NOTCH2: variants seen among roughly 807,000 people sequenced by gnomAD.
NOTCH2 encodes the protein neurogenic locus notch homolog protein 2.
Under a neutral mutation model 235.8 loss-of-function variants are expected in NOTCH2, and 29 were observed. The observed-to-expected ratio is 0.12, with a 90% CI of 0.09 to 0.17. The LOEUF (loss-of-function observed/expected upper bound fraction) is 0.17. NOTCH2 is among the 10% of genes least tolerant of loss of function. NOTCH2 has a pLI of 1.00. For synonymous variants in NOTCH2, 1,086 were observed against 1,141.5 expected, an observed-to-expected ratio of 0.95 and a Z score of 0.98; for missense variants, 2,285 against 3,150.2, an observed-to-expected ratio of 0.73 and a Z score of 6.57.
At chr1:119,959,241 G>C in intron 12 of NOTCH2, 151 bp downstream of exon 12, 2 of 656,290 alleles carry the variant, frequency 3.0e-6, no homozygotes, top group Non-Finnish European at 5.5e-6. Flanking sequence ...TCTGTGAACA[G>C]AAAACTGATC....
intron 1 of NOTCH2, among the ~76,000 whole-genome samples, chr1:120,037,979 T>A (rs1210334582): frequency 1.3e-5 from 2 of 152,182 alleles, no homozygotes; most frequent in African/African-American, 2.4e-5. Context: ...AGTTAGCTGA[T>A]AAATCTAGAA....
At chr1:120,039,469 C>T (rs1158976712) in intron 1 of NOTCH2, among the ~76,000 whole-genome samples, 3 of 146,868 alleles carry the variant, frequency 2.0e-5, no homozygotes, top group Non-Finnish European at 3.0e-5. Context: ...AGTGCAGTGG[C>T]GCAATCTCAG....
intron 1 of NOTCH2, among the ~76,000 whole-genome samples, chr1:120,062,820 G>A (rs1334728325): frequency 1.3e-5 from 2 of 151,196 alleles, no homozygotes; most frequent in Non-Finnish European, 2.9e-5. Flanking sequence ...GATCCTACCA[G>A]TGAATTACAT....
intron 22 of NOTCH2, among the ~76,000 whole-genome samples, chr1:119,932,295 G>A (rs1019022389): frequency 3.3e-5 from 5 of 152,080 alleles, no homozygotes; most frequent in African/African-American, 1.2e-4. Flanking sequence ...AAAAAATATT[G>A]AGGAAGTTCA....
intron 2 of NOTCH2, among the ~76,000 whole-genome samples, chr1:120,014,923 C>T (rs1322660821): frequency 2.1e-5 from 3 of 140,558 alleles, no homozygotes; most frequent in Non-Finnish European, 3.1e-5. Flanking sequence ...GTTTTCTCCA[C>T]CGAATGTTCT....
chr1:119,966,360 G>C lies in NOTCH2; in HGVS notation c.1567+16C>G. ...TGTGCTTTAAGAGAAAACAGGGCCA[G>C]GTCGTGGGCACTTACCAGGAGGACA... On this transcript the variant is annotated intron_variant, in intron 9 of 33. Transcript: ENST00000256646. 1 of 1,571,698 alleles carries C rather than the reference G, an allele frequency of 6.4e-7. No homozygotes were observed. Among genetic ancestry groups the C allele is most frequent in the Non-Finnish European group, 8.8e-7 (1 of 1,141,254 alleles).
At chr1:119,968,310 G>C in intron 6 of NOTCH2, 78 bp from the exon 7 acceptor site, 1 of 1,447,448 alleles carries the variant, frequency 6.9e-7, no homozygotes, top group East Asian at 2.3e-5. Flanking sequence ...TCACCCAGGA[G>C]GGAAAACCTC....
intron 5 of NOTCH2, among the ~76,000 whole-genome samples, chr1:119,978,444 G>C (rs144048879): frequency 5.3e-5 from 8 of 152,240 alleles, no homozygotes; most frequent in Middle Eastern, 3.4e-3. Flanking sequence ...GAGGAGAATG[G>C]ACTGAACTCC....
At chr1:119,983,179 T>C (rs1461419249) in intron 5 of NOTCH2, among the ~76,000 whole-genome samples, 4 of 152,118 alleles carry the variant, frequency 2.6e-5, no homozygotes, top group Non-Finnish European at 4.4e-5. Context: ...TAAAAAGATA[T>C]CTTTTTTTCC....
In NOTCH2 at chr1:119,966,399, C is replaced by T. The variant is rs781906256; in HGVS notation, c.1544G>A (p.Arg515His). 5.6e-6 allele frequency: 9 copies of T among 1,613,666 alleles called. No homozygotes were observed. The Admixed American group carries it at 6.7e-5, about 12-fold the overall frequency. Reference sequence around the variant, plus strand: ...ACCAGGAGGACACAGGCACTGGAAACGATTGACTTTATCCACACACTGCCC... The same window carrying T: ...ACCAGGAGGACACAGGCACTGGAAATGATTGACTTTATCCACACACTGCCC... ...NNGQCVDKVN[R>H]FQCLCPPGFT... Residue 515 changes from arginine (R) to histidine (H), a missense_variant, in exon 9 of 34, where the codon CGT (arginine) becomes CAT (histidine). Arg to His is a conservative substitution (Grantham distance 29). Transcript: ENST00000256646.
At chr1:120,026,094 G>A (rs1553209865) in intron 2 of NOTCH2, among the ~76,000 whole-genome samples, 2 of 134,718 alleles carry the variant, frequency 1.5e-5, no homozygotes, top group South Asian at 2.8e-4. Context: ...CAGACTGATA[G>A]GGTACTTAGG....
intron 13 of NOTCH2, among the ~76,000 whole-genome samples, 178 bp downstream of exon 13, chr1:119,954,862 G>C (rs1553198209): frequency 1.3e-5 from 2 of 152,176 alleles, no homozygotes; most frequent in Non-Finnish European, 2.9e-5. Flanking sequence ...TTATGGAAGG[G>C]AGGGGCCAGC....
At chr1:120,007,441 A>T (rs1182509206) in intron 2 of NOTCH2, among the ~76,000 whole-genome samples, 2 of 127,688 alleles carry the variant, frequency 1.6e-5, no homozygotes, top group Non-Finnish European at 3.0e-5. Context: ...CTGTAATGCC[A>T]GCACTTTGGG....
chr1:119,936,316 T>A lies in NOTCH2; in HGVS notation c.3523-712A>T, dbSNP rs1014854342. The stretch of plus-strand genomic sequence containing the variant: ...AGAGAAGGAGTCTAGGTGATGTCAC[T>A]CAACAGCCAGTGGCAGGAATCTCTG... On this transcript the variant is annotated intron_variant, in intron 21 of 33. Coordinates refer to ENST00000256646, the MANE Select transcript of NOTCH2 (RefSeq NM_024408.4). Among the ~76,000 whole-genome samples, 5 of 152,212 alleles carry A rather than the reference T, an allele frequency of 3.3e-5. No homozygotes were observed. The East Asian group carries it at 9.7e-4, about 29-fold the overall frequency.
intron 33 of NOTCH2, among the ~76,000 whole-genome samples, chr1:119,916,971 A>C (rs1649103133): frequency 6.6e-6 from 1 of 152,170 alleles, no homozygotes; most frequent in South Asian, 2.1e-4. Context: ...CATAAAATAA[A>C]GCATGCCCCT....
chr1:120,025,178 G>C (rs327195), intron 2 of NOTCH2, among the ~76,000 whole-genome samples: 24,470 of 150,124 alleles, frequency 0.16, 2,399 homozygotes, highest in African/African-American at 0.31. Flanking sequence ...AGAGTGGGTA[G>C]CTTCAAAGTA....
intron 17 of NOTCH2, 90 bp from the exon 18 acceptor site, chr1:119,941,844 C>T (rs1650075664): frequency 3.0e-6 from 3 of 1,004,908 alleles, no homozygotes; most frequent in East Asian, 2.5e-5. Context: ...CTAAGTCATG[C>T]TGGGGGCAGC....
At chr1:119,999,603 C>T (rs376138479) in intron 3 of NOTCH2, among the ~76,000 whole-genome samples, 11 of 151,700 alleles carry the variant, frequency 7.3e-5, no homozygotes, top group Admixed American at 2.6e-4. Flanking sequence ...ATCCCTGGGC[C>T]GGAAGTGGTG....
chr1:120,065,823 C>G (rs1206726416), intron 1 of NOTCH2, among the ~76,000 whole-genome samples: 1 of 152,146 alleles, frequency 6.6e-6, no homozygotes, highest in Non-Finnish European at 1.5e-5. Context: ...ATCAATAGTT[C>G]AAATTTAGGC....
Sources: allele counts gnomAD v4.1 joint callset (sites outside exome capture counted in the v4.1 genomes callset), GRCh38; gene constraint gnomAD v4.1.1; transcripts MANE v1.5; gene names NCBI Gene and HGNC (gene_info 2026-07-23, HGNC 2026-07-21).